Variants in NUTF2 observed in about 807,000 individuals in gnomAD.
The protein encoded by NUTF2 is nuclear transport factor 2.
NUTF2 carries 3 observed loss-of-function variants against 18.5 expected under a neutral mutation model. The observed-to-expected ratio is 0.16, with a 90% confidence interval of 0.07 to 0.42. The LOEUF (loss-of-function observed/expected upper bound fraction) is 0.42. Ranked by LOEUF, NUTF2 falls within the 10% of genes least tolerant of loss-of-function variation. The pLI, the probability that NUTF2 is intolerant of heterozygous loss-of-function variation, is 0.99. For synonymous variants in NUTF2, 51 were observed against 57.9 expected (o/e 0.88, Z 0.54); for missense variants, 44 against 160.7 (o/e 0.27, Z 3.93).
chr16:67,866,517 G>A (rs968945450), intron 2 of NUTF2, among the ~76,000 whole-genome samples: 1 of 151,868 alleles, frequency 6.6e-6, no homozygotes, highest in Admixed American at 6.6e-5. Flanking sequence ...CCAGGCTGGA[G>A]TGCAGTGGTG....
intron 1 of NUTF2, 142 bp downstream of exon 1, chr16:67,847,127 G>T (rs1297156223): frequency 6.6e-6 from 1 of 151,400 alleles, no homozygotes; most frequent in East Asian, 1.9e-4. Context: ...CGGGGCCCGG[G>T]CCATGTGTCG....
At position 67,846,993 on chromosome 16, in the gene NUTF2, T is replaced by C. The variant is rs1354541558; in HGVS notation, c.-30+8T>C. On this transcript the variant is annotated splice_region_variant and intron_variant, in intron 1 of 4. Coordinates refer to ENST00000219169, the MANE Select transcript of NUTF2 (RefSeq NM_005796.3). ...ATCGTGCCAGCCCCTCGGGTGAGTGTCGGGGCCAGCACGCCGGGGCGGGGG... is the reference window on the plus strand; with the variant it reads ...ATCGTGCCAGCCCCTCGGGTGAGTGCCGGGGCCAGCACGCCGGGGCGGGGG... 1 of 150,928 alleles carries C rather than the reference T, an allele frequency of 6.6e-6. No homozygotes were observed. Among genetic ancestry groups the C allele is most frequent in the Non-Finnish European group, 1.5e-5 (1 of 67,836 alleles). The allele number at this position is 150,928 out of a possible 1,614,324, so 9.3% of individuals were successfully genotyped here.
intron 4 of NUTF2, 29 bp downstream of exon 4, chr16:67,868,628 G>A (rs777047729): frequency 7.2e-5 from 115 of 1,598,350 alleles, no homozygotes; most frequent in Non-Finnish European, 9.8e-5. Flanking sequence ...TGGTAGGGAG[G>A]GGTGGGCAGG....
chr16:67,848,696 C>T (rs1453451550), intron 1 of NUTF2, among the ~76,000 whole-genome samples: 1 of 150,972 alleles, frequency 6.6e-6, no homozygotes, highest in African/African-American at 2.4e-5. Context: ...GGGCAGAGAT[C>T]ATGCCACTGC....
chr16:67,867,020 G>A (rs2057977957), intron 2 of NUTF2, among the ~76,000 whole-genome samples: 1 of 150,944 alleles, frequency 6.6e-6, no homozygotes. Flanking sequence ...CACCTAGACT[G>A]GAGTGCATTC....
intron 1 of NUTF2, among the ~76,000 whole-genome samples, chr16:67,863,213 C>G (rs2057946507): frequency 6.6e-6 from 1 of 152,204 alleles, no homozygotes; most frequent in African/African-American, 2.4e-5. Flanking sequence ...TGATTTCTTT[C>G]TTGGCAGAGT....
At chr16:67,867,457 C>T (rs962174690) in intron 2 of NUTF2, among the ~76,000 whole-genome samples, 6 of 152,012 alleles carry the variant, frequency 3.9e-5, no homozygotes, top group Non-Finnish European at 8.8e-5. Context: ...TTGAGTTCTG[C>T]CCTTGAAGGC....
chr16:67,867,263 C>T (rs1317800489), intron 2 of NUTF2, among the ~76,000 whole-genome samples: 2 of 152,210 alleles, frequency 1.3e-5, no homozygotes, highest in African/African-American at 4.8e-5. Flanking sequence ...TGAGCCACTG[C>T]ACCTGGCCTC....
rs1173645102 is a variant in NUTF2 at position 67,871,317 on chromosome 16, GT to G, written c.*407del. 6.3e-6 allele frequency: 1 copy of G among 157,790 alleles called. No individual in the cohort carries two copies. The highest frequency in any genetic ancestry group is 1.4e-5 in the Non-Finnish European group (1 of 71,688). 9.8% of individuals were successfully genotyped at this position (157,790 alleles called of 1,614,324 possible). A position where few individuals can be genotyped will look rare whatever the true frequency, so the allele number is the denominator to read the frequency against. ...TAAAACCACAAAAATTTTCTTAACA[GT>G]TTAAATTGTTTTAATTAGTTTACTA... On this transcript the variant is annotated 3_prime_UTR_variant, in exon 5 of 5. Transcript: ENST00000219169.
intron 1 of NUTF2, among the ~76,000 whole-genome samples, chr16:67,852,234 C>T (rs2057864810): frequency 6.6e-6 from 1 of 151,880 alleles, no homozygotes; most frequent in South Asian, 2.1e-4. Flanking sequence ...TGCAGGAGGT[C>T]AAGGAACCGT....
chr16:67,856,817 G>A (rs1048735086), intron 1 of NUTF2, among the ~76,000 whole-genome samples: 17 of 152,242 alleles, frequency 1.1e-4, no homozygotes, highest in Admixed American at 1.0e-3. Flanking sequence ...GCCCCATCTC[G>A]GCCAGTTTTG....
At chr16:67,859,597 A>G (rs1210682641) in intron 1 of NUTF2, among the ~76,000 whole-genome samples, 1 of 151,796 alleles carries the variant, frequency 6.6e-6, no homozygotes, top group Non-Finnish European at 1.5e-5. Flanking sequence ...ACCTCAGGTG[A>G]TCCACCCGCC....
chr16:67,862,127 C>T (rs1157977549), intron 1 of NUTF2, among the ~76,000 whole-genome samples: 1 of 151,980 alleles, frequency 6.6e-6, no homozygotes, highest in African/African-American at 2.4e-5. Context: ...AAGCCAAAAG[C>T]AAGGGTGTTT....
At chr16:67,870,608 A>G (rs2058004821) in intron 4 of NUTF2, 192 bp from the exon 5 acceptor site, 3 of 600,094 alleles carry the variant, frequency 5.0e-6, no homozygotes, top group South Asian at 4.0e-5. Context: ...GTTGGCCTAC[A>G]TGTGCCCAGG....
intron 1 of NUTF2, among the ~76,000 whole-genome samples, chr16:67,849,550 C>T (rs996224713): frequency 6.6e-6 from 1 of 151,908 alleles, no homozygotes; most frequent in Non-Finnish European, 1.5e-5. Flanking sequence ...CCATATTTGT[C>T]AGGCTGGTCA....
chr16:67,855,991 CT>C, intron 1 of NUTF2: 1 of 1,238,868 alleles, frequency 8.1e-7, no homozygotes, highest in Non-Finnish European at 1.2e-6. Context: ...TGCCAGCGGC[CT>C]TGGTGACCTT....
chr16:67,862,767 C>G (rs558241822), intron 1 of NUTF2, among the ~76,000 whole-genome samples: 10 of 152,264 alleles, frequency 6.6e-5, no homozygotes, highest in African/African-American at 1.9e-4. Context: ...TCCTGGAGGT[C>G]AAGGCTACAG....
intron 1 of NUTF2, among the ~76,000 whole-genome samples, chr16:67,853,444 A>G (rs1289528634): frequency 6.6e-6 from 1 of 152,020 alleles, no homozygotes; most frequent in Non-Finnish European, 1.5e-5. Context: ...AGCATCCTCC[A>G]CCTTCTGGGT....
chr16:67,864,788 A>G (rs1213347110), intron 1 of NUTF2, among the ~76,000 whole-genome samples: 1 of 152,172 alleles, frequency 6.6e-6, no homozygotes, highest in Non-Finnish European at 1.5e-5. Context: ...TGGGCTTTCA[A>G]GGGCCTGCTC....
Sources: allele counts gnomAD v4.1 joint callset (sites outside exome capture counted in the v4.1 genomes callset), GRCh38; gene constraint gnomAD v4.1.1; transcripts MANE v1.5; gene names NCBI Gene and HGNC (gene_info 2026-07-23, HGNC 2026-07-21).